SSBP2: variants seen among roughly 807,000 people sequenced by gnomAD.
SSBP2 encodes single-stranded DNA-binding protein 2.
Under a neutral mutation model 61.8 loss-of-function variants are expected in SSBP2, and 17 were observed. That is an observed-to-expected ratio of 0.28 (90% CI 0.19 to 0.41). The LOEUF (loss-of-function observed/expected upper bound fraction) is 0.41, where lower values mean the gene tolerates loss of function less well. SSBP2 is among the 10% of genes least tolerant of loss of function. The pLI is 1.00. For synonymous variants in SSBP2, 139 were observed against 141.3 expected, an observed-to-expected ratio of 0.98 and a Z score of 0.12; for missense variants, 310 against 458.7, an observed-to-expected ratio of 0.68 and a Z score of 2.96.
At chr5:81,736,191 C>A (rs995952248) in intron 1 of SSBP2, among the ~76,000 whole-genome samples, 21 of 60,352 alleles carry the variant, frequency 3.5e-4, no homozygotes, top group African/African-American at 2.7e-3. Flanking sequence ...CACACACACT[C>A]TACGGCACTA....
At chr5:81,576,965 CAAAT>C (rs1774259901) in intron 4 of SSBP2, among the ~76,000 whole-genome samples, 1 of 151,936 alleles carries the variant, frequency 6.6e-6, no homozygotes. Context: ...ATTACAAAAA[CAAAT>C]AAACAAGCCA....
At chr5:81,651,894 T>G (rs913127576) in intron 1 of SSBP2, among the ~76,000 whole-genome samples, 1 of 152,200 alleles carries the variant, frequency 6.6e-6, no homozygotes, top group African/African-American at 2.4e-5. Context: ...TGGAAAAGGA[T>G]AATATTTGTA....
chr5:81,653,885 C>T lies in SSBP2; in HGVS notation c.63-3546G>A, dbSNP rs1055641733. On this transcript the variant is annotated intron_variant, in intron 1 of 16. Coordinates refer to ENST00000320672, the MANE Select transcript of SSBP2 (RefSeq NM_012446.5). ...CCAATCTCCAATATTTTAATTATCACCTCTGTGTATAGGATTTTCCAAACC... is the reference window on the plus strand; with the variant it reads ...CCAATCTCCAATATTTTAATTATCATCTCTGTGTATAGGATTTTCCAAACC... 2.0e-5 allele frequency among the ~76,000 whole-genome samples: 3 copies of T among 152,082 alleles called. No homozygotes were observed. In the South Asian group the frequency reaches 6.2e-4, roughly 32 times the overall value.
At chr5:81,686,429 T>A (rs1445122078) in intron 1 of SSBP2, among the ~76,000 whole-genome samples, 1 of 152,166 alleles carries the variant, frequency 6.6e-6, no homozygotes, top group East Asian at 1.9e-4. Flanking sequence ...ATACCTAAAA[T>A]CAACTTGCAA....
Position 81,563,289 on chromosome 5 carries a change from T to C in SSBP2, c.283-49572A>G, listed in dbSNP as rs149017660. Among the ~76,000 whole-genome samples, 400 of 152,234 alleles carry C rather than the reference T, an allele frequency of 2.6e-3. 1 individual carries two copies. The highest frequency in any genetic ancestry group is 8.6e-3 in the African/African-American group (356 of 41,554). On this transcript the variant is annotated intron_variant, in intron 4 of 16. Transcript: ENST00000320672. Reference sequence around the variant, plus strand: ...TTCAATAAACAGTGCTGGAATTGGATATCCATCTGCCAAAATACAAAACAA... The same window carrying C: ...TTCAATAAACAGTGCTGGAATTGGACATCCATCTGCCAAAATACAAAACAA...
At chr5:81,542,264 CA>C (rs1771333533) in intron 4 of SSBP2, among the ~76,000 whole-genome samples, 2 of 151,940 alleles carry the variant, frequency 1.3e-5, no homozygotes, top group Non-Finnish European at 1.5e-5. Context: ...GTCAAAAAAA[CA>C]AAAACATGTT....
At chr5:81,635,110 A>G (rs890246996) in intron 3 of SSBP2, among the ~76,000 whole-genome samples, 5 of 152,214 alleles carry the variant, frequency 3.3e-5, no homozygotes, top group African/African-American at 1.2e-4. Context: ...CTAGGTTTGC[A>G]TGGAGAAACA....
At chr5:81,651,454 T>C (rs1236196274) in intron 1 of SSBP2, among the ~76,000 whole-genome samples, 1 of 152,182 alleles carries the variant, frequency 6.6e-6, no homozygotes, top group Admixed American at 6.6e-5. Flanking sequence ...CATTCCAAAA[T>C]TGCCAAATAC....
At chr5:81,492,982 G>A (rs1766971283) in intron 5 of SSBP2, among the ~76,000 whole-genome samples, 1 of 151,868 alleles carries the variant, frequency 6.6e-6, no homozygotes, top group African/African-American at 2.4e-5. Flanking sequence ...GGGGATAAAG[G>A]CATATGTTCC....
At chr5:81,476,477 A>C (rs994027415) in intron 6 of SSBP2, among the ~76,000 whole-genome samples, 1 of 152,176 alleles carries the variant, frequency 6.6e-6, no homozygotes, top group Non-Finnish European at 1.5e-5. Flanking sequence ...AACAGGTCTT[A>C]AATTCTACAG....
intron 4 of SSBP2, among the ~76,000 whole-genome samples, chr5:81,550,185 C>T (rs1772063025): frequency 6.6e-6 from 1 of 152,164 alleles, no homozygotes; most frequent in Non-Finnish European, 1.5e-5. Flanking sequence ...ATATTTTATG[C>T]TCCAAATCTG....
At chr5:81,677,399 CAA>C (rs1752062764) in intron 1 of SSBP2, among the ~76,000 whole-genome samples, 1 of 151,958 alleles carries the variant, frequency 6.6e-6, no homozygotes, top group South Asian at 2.1e-4. Context: ...CCATAAGAAA[CAA>C]ACAAACAAAC....
intron 5 of SSBP2, among the ~76,000 whole-genome samples, chr5:81,501,684 T>TCCTGAGTAGCTGGG (rs2154071151): frequency 6.6e-6 from 1 of 150,376 alleles, no homozygotes; most frequent in Non-Finnish European, 1.5e-5. Flanking sequence ...CGCCTCAGCC[T>TCCTGAGTAGCTGGG]CCTGAGTAGC....
At chr5:81,567,598 C>T (rs1271729632) in intron 4 of SSBP2, among the ~76,000 whole-genome samples, 2 of 151,004 alleles carry the variant, frequency 1.3e-5, no homozygotes, top group Non-Finnish European at 2.9e-5. Flanking sequence ...GCCTACTGGA[C>T]CTATGAGAAG....
intron 1 of SSBP2, among the ~76,000 whole-genome samples, chr5:81,718,112 A>G (rs1356260314): frequency 2.6e-5 from 4 of 152,234 alleles, no homozygotes; most frequent in Admixed American, 6.5e-5. Context: ...ATACCCACCC[A>G]GACTTTTAAG....
intron 3 of SSBP2, among the ~76,000 whole-genome samples, chr5:81,624,647 G>A (rs1482222952): frequency 6.6e-6 from 1 of 151,932 alleles, no homozygotes; most frequent in Non-Finnish European, 1.5e-5. Context: ...AGAACAATTG[G>A]CCATATCATG....
intron 4 of SSBP2, among the ~76,000 whole-genome samples, chr5:81,532,648 C>T (rs938658894): frequency 1.3e-5 from 2 of 151,784 alleles, no homozygotes; most frequent in African/African-American, 2.4e-5. Flanking sequence ...ACATATGCTG[C>T]TCCAAGAAAC....
At chr5:81,590,471 T>A (rs543343844) in intron 4 of SSBP2, among the ~76,000 whole-genome samples, 16 of 152,348 alleles carry the variant, frequency 1.1e-4, no homozygotes, top group Non-Finnish European at 1.8e-4. Flanking sequence ...ACATGAGCAC[T>A]TGATTATCTG....
intron 1 of SSBP2, among the ~76,000 whole-genome samples, chr5:81,667,170 C>G (rs1465169872): frequency 1.3e-5 from 2 of 152,084 alleles, no homozygotes; most frequent in Non-Finnish European, 2.9e-5. Context: ...GAACACAGTA[C>G]AAGGACGGAG....
Sources: allele counts gnomAD v4.1 joint callset (sites outside exome capture counted in the v4.1 genomes callset), GRCh38; gene constraint gnomAD v4.1.1; transcripts MANE v1.5; gene names NCBI Gene and HGNC (gene_info 2026-07-23, HGNC 2026-07-21).